NRXN3: variants seen among roughly 807,000 people sequenced by gnomAD.
The protein encoded by NRXN3 is neurexin 3.
In NRXN3, 32 loss-of-function variants were observed where a neutral mutation model predicts 137.6. The observed-to-expected ratio is 0.23, with a 90% CI of 0.18 to 0.31. The LOEUF is 0.31. Among genes scored for constraint, NRXN3 ranks in the 10% least tolerant of loss-of-function variants. The pLI is 1.00. For missense variants in NRXN3, 1,574 were observed against 2,062.5 expected, an observed-to-expected ratio of 0.76 and a Z score of 4.59; for synonymous variants, 798 against 784.5, an observed-to-expected ratio of 1.02 and a Z score of -0.29.
chr14:79,736,760 A>G (rs932695873), intron 19 of NRXN3, among the ~76,000 whole-genome samples: 1 of 152,156 alleles, frequency 6.6e-6, no homozygotes, highest in African/African-American at 2.4e-5. Context: ...GTTTGACATA[A>G]TGGGAGTACT....
chr14:79,185,163 T>G (rs1180176215), intron 15 of NRXN3, among the ~76,000 whole-genome samples: 1 of 152,206 alleles, frequency 6.6e-6, no homozygotes, highest in Non-Finnish European at 1.5e-5. Context: ...AAACTATTTT[T>G]TATTTCTAAT....
At chr14:79,386,953 A>C (rs1163194251) in intron 15 of NRXN3, among the ~76,000 whole-genome samples, 1 of 152,244 alleles carries the variant, frequency 6.6e-6, no homozygotes, top group Non-Finnish European at 1.5e-5. Flanking sequence ...AAATTAATTC[A>C]AGATGGATTA....
At chr14:78,410,147 A>G (rs1275397219) in intron 4 of NRXN3, among the ~76,000 whole-genome samples, 3 of 152,208 alleles carry the variant, frequency 2.0e-5, no homozygotes, top group Non-Finnish European at 4.4e-5. Flanking sequence ...CTGTTTCTAG[A>G]TCAGTAACTG....
chr14:79,852,234 A>AACGCACAC (rs1491346009), intron 20 of NRXN3, among the ~76,000 whole-genome samples: 2 of 128,184 alleles, frequency 1.6e-5, no homozygotes, highest in Non-Finnish European at 3.3e-5. Flanking sequence ...TTCAACTCCC[A>AACGCACAC]ACACACACAC....
At chr14:78,770,798 CA>C (rs1339586169) in intron 8 of NRXN3, among the ~76,000 whole-genome samples, 2 of 151,984 alleles carry the variant, frequency 1.3e-5, no homozygotes, top group East Asian at 3.9e-4. Flanking sequence ...ATGATGGATA[CA>C]GGGGGATTAA....
At chr14:79,206,580 T>C (rs141832391) in intron 15 of NRXN3, among the ~76,000 whole-genome samples, 1 of 152,330 alleles carries the variant, frequency 6.6e-6, no homozygotes, top group African/African-American at 2.4e-5. Flanking sequence ...GTAGGCATGC[T>C]CTAGAAATGT....
At chr14:78,557,379 T>C (rs1036609839) in intron 4 of NRXN3, among the ~76,000 whole-genome samples, 11 of 151,970 alleles carry the variant, frequency 7.2e-5, no homozygotes, top group African/African-American at 2.7e-4. Context: ...AATATTCCTC[T>C]TCCCTCCTGC....
At chr14:78,364,926 A>G (rs1242228263) in intron 4 of NRXN3, among the ~76,000 whole-genome samples, 3 of 152,200 alleles carry the variant, frequency 2.0e-5, no homozygotes, top group African/African-American at 7.2e-5. Flanking sequence ...CTCATCCACC[A>G]CAAATATCAA....
In NRXN3 at chr14:79,830,309, G is replaced by A. The variant is rs181995845; in HGVS notation, c.4093+25119G>A. On this transcript the variant is annotated intron_variant, in intron 20 of 20. Coordinates refer to ENST00000335750, the MANE Select transcript of NRXN3 (RefSeq NM_001330195.2). Reference sequence around the variant, plus strand: ...AAAGGAATGCTTTGTACATATGTAGGATCCTTTACCTGGCCACAGAGTTTG... The same window carrying A: ...AAAGGAATGCTTTGTACATATGTAGAATCCTTTACCTGGCCACAGAGTTTG... 3.9e-4 allele frequency among the ~76,000 whole-genome samples: 60 copies of A among 152,300 alleles called. 1 individual carries two copies. Among genetic ancestry groups the A allele is most frequent in the South Asian group, 4.1e-4 (2 of 4,828 alleles).
intron 8 of NRXN3, among the ~76,000 whole-genome samples, chr14:78,784,766 C>T (rs2098783352): frequency 6.6e-6 from 1 of 152,118 alleles, no homozygotes; most frequent in Non-Finnish European, 1.5e-5. Context: ...GCTTTGACTA[C>T]AGGAGTAGAC....
At chr14:79,682,131 T>A (rs2098673634) in intron 17 of NRXN3, among the ~76,000 whole-genome samples, 1 of 152,302 alleles carries the variant, frequency 6.6e-6, no homozygotes, top group East Asian at 1.9e-4. Context: ...GTGTTATTTG[T>A]AAAATGTCTT....
chr14:79,482,204 C>G (rs930977529), intron 16 of NRXN3, among the ~76,000 whole-genome samples: 26 of 152,264 alleles, frequency 1.7e-4, no homozygotes, highest in East Asian at 5.8e-4. Context: ...CATTTAAACT[C>G]TAAACTAAAT....
At chr14:78,578,674 G>C (rs1300612354) in intron 4 of NRXN3, among the ~76,000 whole-genome samples, 3 of 152,150 alleles carry the variant, frequency 2.0e-5, no homozygotes, top group Admixed American at 1.3e-4. Context: ...ACACCAAAAA[G>C]ATGTTAGCAT....
intron 15 of NRXN3, among the ~76,000 whole-genome samples, chr14:79,252,576 G>C (rs931382249): frequency 6.6e-6 from 1 of 151,632 alleles, no homozygotes; most frequent in Non-Finnish European, 1.5e-5. Context: ...TGTTGGGGGG[G>C]TGGTGGTGGG....
At chr14:78,400,183 A>C (rs11159357) in intron 4 of NRXN3, among the ~76,000 whole-genome samples, 67,883 of 152,068 alleles carry the variant, frequency 0.45, 16,001 homozygotes, top group East Asian at 0.55. Context: ...AATTTCTCTC[A>C]GACATAGAAA....
intron 4 of NRXN3, among the ~76,000 whole-genome samples, chr14:78,409,035 A>G (rs1355362336): frequency 6.6e-6 from 1 of 152,246 alleles, no homozygotes; most frequent in Non-Finnish European, 1.5e-5. Context: ...GGGATAAAAC[A>G]TAAATGCATG....
At chr14:79,782,113 C>T (rs766635515) in intron 19 of NRXN3, among the ~76,000 whole-genome samples, 1 of 152,060 alleles carries the variant, frequency 6.6e-6, no homozygotes, top group Admixed American at 6.6e-5. Context: ...CACTAATGCT[C>T]GAAGTATTAA....
intron 6 of NRXN3, among the ~76,000 whole-genome samples, chr14:78,702,074 C>A (rs947400890): frequency 6.6e-6 from 1 of 152,102 alleles, no homozygotes; most frequent in Non-Finnish European, 1.5e-5. Context: ...GTTTTTCAGA[C>A]TTTGGGATCT....
At chr14:79,221,765 C>A (rs1052261671) in intron 15 of NRXN3, among the ~76,000 whole-genome samples, 1 of 152,282 alleles carries the variant, frequency 6.6e-6, no homozygotes, top group East Asian at 1.9e-4. Flanking sequence ...AATTAGATCC[C>A]ATTTGTCAAT....
Sources: gnomAD v4.1 joint callset for allele counts (sites outside exome capture counted in the v4.1 genomes callset) on GRCh38, gnomAD v4.1.1 for gene constraint, MANE v1.5 for transcripts, NCBI Gene and HGNC (gene_info 2026-07-23, HGNC 2026-07-21) for gene names.